Variants in SRPX observed in about 807,000 individuals in gnomAD.
SRPX encodes the protein sushi repeat containing protein X-linked, also known as sushi repeat-containing protein SRPX.
In SRPX, 24 loss-of-function variants were observed where a neutral mutation model predicts 38.1. That is an observed-to-expected ratio of 0.63 (90% CI 0.46 to 0.89). The LOEUF is 0.89. Among genes scored for constraint, SRPX ranks in the 40% least tolerant of loss-of-function variants. The probability of loss-of-function intolerance (pLI) is 0.00; values close to 1 mark genes in which losing one functional copy is unlikely to be tolerated. For missense variants in SRPX, 416 were observed against 377.8 expected (o/e 1.10, Z -0.84); for synonymous variants, 184 against 153.8 (o/e 1.20, Z -1.45).
intron 1 of SRPX, among the ~76,000 whole-genome samples, chrX:38,198,232 A>G (rs1939034699): frequency 9.0e-6 from 1 of 111,692 alleles, no homozygotes. Context: ...ACAAAAGATC[A>G]TTTCCTTAGC....
intron 7 of SRPX, among the ~76,000 whole-genome samples, chrX:38,157,867 C>A (rs1465176504): frequency 2.7e-5 from 3 of 112,405 alleles, no homozygotes; most frequent in Non-Finnish European, 1.9e-5. Flanking sequence ...CTGGAGGGAA[C>A]TGGAGTATTT....
chrX:38,195,462 C>T (rs1938983253), intron 1 of SRPX, among the ~76,000 whole-genome samples: 1 of 100,304 alleles, frequency 1.0e-5, no homozygotes, highest in Non-Finnish European at 2.0e-5. Flanking sequence ...TAAAATTTTT[C>T]AAGCAGAGCA....
chrX:38,195,687 C>A (rs1045776412), intron 1 of SRPX, among the ~76,000 whole-genome samples: 1 of 111,646 alleles, frequency 9.0e-6, no homozygotes, highest in African/African-American at 3.3e-5. Context: ...GAGAGAGTCC[C>A]AATGAAAACT....
intron 1 of SRPX, among the ~76,000 whole-genome samples, chrX:38,214,550 T>C (rs1317191899): frequency 8.9e-6 from 1 of 111,764 alleles, no homozygotes; most frequent in Non-Finnish European, 1.9e-5. Context: ...ATCAGCTCCG[T>C]GAATAGGTAA....
At chrX:38,183,488 C>T (rs1451907507) in intron 1 of SRPX, among the ~76,000 whole-genome samples, 2 of 111,994 alleles carry the variant, frequency 1.8e-5, no homozygotes, top group African/African-American at 6.5e-5. Flanking sequence ...GCAAAATAGA[C>T]ACCCTGAAAG....
At chrX:38,156,131 A>G (rs1938128420) in intron 8 of SRPX, among the ~76,000 whole-genome samples, 1 of 112,278 alleles carries the variant, frequency 8.9e-6, no homozygotes, top group African/African-American at 3.2e-5. Flanking sequence ...TCCATGGCAC[A>G]GCATACATCC....
intron 9 of SRPX, among the ~76,000 whole-genome samples, chrX:38,150,946 AT>A (rs1010091158): frequency 4.3e-4 from 48 of 111,201 alleles, no homozygotes; most frequent in African/African-American, 1.5e-3. Context: ...TCTTCTCCAG[AT>A]TTTTTTTTCA....
chrX:38,194,600 A>G (rs909635889), intron 1 of SRPX, among the ~76,000 whole-genome samples: 1 of 112,070 alleles, frequency 8.9e-6, no homozygotes, highest in African/African-American at 3.2e-5. Context: ...CACTGTTTAC[A>G]AGAACATAAA....
At chrX:38,149,957 T>A (rs1266924058) in intron 9 of SRPX, 63 bp from the exon 10 acceptor site, 1 of 995,591 alleles carries the variant, frequency 1.0e-6, no homozygotes, top group African/African-American at 1.9e-5. Context: ...TCCTGGTGGA[T>A]CAACCAGAGC....
At chrX:38,161,832 C>A (rs1465863548) in intron 5 of SRPX, among the ~76,000 whole-genome samples, 1 of 111,561 alleles carries the variant, frequency 9.0e-6, no homozygotes, top group Non-Finnish European at 1.9e-5. Flanking sequence ...ATGAGGACAC[C>A]AATAAGTATA....
At position 38,149,879 on chromosome X, in the gene SRPX, G is replaced by A; in HGVS notation, c.1227C>T (p.Ile409=). The part of the protein sequence containing the change: ...LALQLRLLLR[I]PLYSFSMVLV... ...GCACCATACTGAAGGAGTAGAGTGGGATTCGCAGCAACAGCCTGTGGCAGA... is the reference window on the plus strand; with the variant it reads ...GCACCATACTGAAGGAGTAGAGTGGAATTCGCAGCAACAGCCTGTGGCAGA... Residue 409 remains isoleucine (I), a synonymous_variant, in exon 10 of 10, where the codon ATC becomes ATT. Transcript: ENST00000378533. The A allele has an allele frequency of 8.3e-7, 1 of 1,205,731 alleles. No homozygotes were observed.
At chrX:38,161,793 G>A (rs1309700182) in intron 5 of SRPX, among the ~76,000 whole-genome samples, 1 of 111,873 alleles carries the variant, frequency 8.9e-6, no homozygotes, top group Non-Finnish European at 1.9e-5. Flanking sequence ...CACAGCTAGG[G>A]TGAGTTTATC....
intron 1 of SRPX, among the ~76,000 whole-genome samples, chrX:38,200,044 A>G (rs1383094536): frequency 8.9e-6 from 1 of 112,315 alleles, no homozygotes; most frequent in Non-Finnish European, 1.9e-5. Flanking sequence ...TCTGCTCAAA[A>G]TAAGAATGTG....
intron 1 of SRPX, 24 bp from the exon 2 acceptor site, chrX:38,178,368 T>C (rs1007037198): frequency 2.5e-6 from 3 of 1,185,671 alleles, no homozygotes; most frequent in Non-Finnish European, 3.4e-6. Context: ...GAACAGAAAC[T>C]GCAGCAAGAA....
At chrX:38,206,263 C>T (rs1355117590) in intron 1 of SRPX, among the ~76,000 whole-genome samples, 1 of 112,199 alleles carries the variant, frequency 8.9e-6, no homozygotes, top group Non-Finnish European at 1.9e-5. Flanking sequence ...GTGTCAGACA[C>T]AGACACATGA....
chrX:38,149,508 T>C lies in SRPX; in HGVS notation c.*203A>G. 1 of 382,774 alleles carries C rather than the reference T, an allele frequency of 2.6e-6. No individual in the cohort carries two copies. Among genetic ancestry groups the C allele is most frequent in the Non-Finnish European group, 4.4e-6 (1 of 229,208 alleles). The allele number at this position is 382,774 out of a possible 1,213,427, so 31.5% of individuals were successfully genotyped here. ...ATGGAGTAAAGAAAGTTAGAAAGAG[T>C]AAATATGGTCATATAATTTTTTGAA... On this transcript the variant is annotated 3_prime_UTR_variant, in exon 10 of 10. Transcript: ENST00000378533.
chrX:38,157,318 A>T (rs1938152736), intron 7 of SRPX, among the ~76,000 whole-genome samples: 1 of 111,627 alleles, frequency 9.0e-6, no homozygotes, highest in Non-Finnish European at 1.9e-5. Flanking sequence ...TCCTGGTCTC[A>T]TGGAGCTAAA....
At chrX:38,149,952 G>A in intron 9 of SRPX, 58 bp from the exon 10 acceptor site, 5 of 1,039,412 alleles carry the variant, frequency 4.8e-6, no homozygotes, top group African/African-American at 1.9e-5. Context: ...AAGGGTCCTG[G>A]TGGATCAACC....
intron 1 of SRPX, among the ~76,000 whole-genome samples, chrX:38,185,332 G>A (rs1292707931): frequency 1.8e-5 from 2 of 111,912 alleles, no homozygotes; most frequent in Non-Finnish European, 3.8e-5. Context: ...TTACAAAAGG[G>A]TATTTTGTAC....
Sources: allele counts gnomAD v4.1 joint callset (sites outside exome capture counted in the v4.1 genomes callset), GRCh38; gene constraint gnomAD v4.1.1; transcripts MANE v1.5; gene names NCBI Gene and HGNC (gene_info 2026-07-23, HGNC 2026-07-21).